C20orf203: variants seen among roughly 807,000 people sequenced by gnomAD.
C20orf203 encodes uncharacterized protein C20orf203.
A neutral mutation model predicts 15.9 loss-of-function variants in C20orf203; 16 were observed. That is an observed-to-expected ratio of 1.01 (90% CI 0.68 to 1.53). The LOEUF is 1.53. Among genes scored for constraint, C20orf203 ranks in the 40% most tolerant of loss-of-function variants. The pLI is 0.00. For missense variants in C20orf203, 263 were observed against 247.5 expected, an observed-to-expected ratio of 1.06 and a Z score of -0.42; for synonymous variants, 98 against 97.2, an observed-to-expected ratio of 1.01 and a Z score of -0.05.
chr20:32,648,741 T>C (rs1982515733), intron 4 of C20orf203, among the ~76,000 whole-genome samples: 1 of 152,058 alleles, frequency 6.6e-6, no homozygotes, highest in Admixed American at 6.6e-5. Context: ...TGTGAGCCAC[T>C]GCGCTGGGCC....
At chr20:32,666,797 T>TTTTATACATATATATATA (rs367964394) in intron 1 of C20orf203, among the ~76,000 whole-genome samples, 2 of 65,594 alleles carry the variant, frequency 3.0e-5, no homozygotes, top group African/African-American at 4.4e-5. Context: ...TAATTTTAAT[T>TTTTATACATATATATATA]TATATATATA....
intron 5 of C20orf203, 62 bp downstream of exon 5, chr20:32,640,504 C>G (rs1165864152): frequency 6.6e-6 from 1 of 151,896 alleles, no homozygotes; most frequent in East Asian, 1.9e-4. Context: ...ACCAGCCTGG[C>G]CAACACCGTG....
At chr20:32,641,770 G>A (rs571642774) in intron 4 of C20orf203, among the ~76,000 whole-genome samples, 1 of 152,262 alleles carries the variant, frequency 6.6e-6, no homozygotes, top group South Asian at 2.1e-4. Flanking sequence ...ATCTTTTTTG[G>A]AGAAATATAT....
intron 2 of C20orf203, 142 bp from the exon 3 acceptor site, chr20:32,651,308 C>T (rs1324903888): frequency 2.5e-6 from 1 of 397,164 alleles, no homozygotes; most frequent in Non-Finnish European, 4.4e-6. Flanking sequence ...ATGATCGCCC[C>T]ACTACACTCC....
chr20:32,652,232 C>G (rs1224152721), intron 1 of C20orf203, among the ~76,000 whole-genome samples: 1 of 140,114 alleles, frequency 7.1e-6, no homozygotes, highest in Non-Finnish European at 1.5e-5. Context: ...TCACTTGAAC[C>G]TGGTGGGGCA....
chr20:32,651,388 G>A (rs1000851781), intron 2 of C20orf203, among the ~76,000 whole-genome samples: 1 of 151,780 alleles, frequency 6.6e-6, no homozygotes, highest in African/African-American at 2.4e-5. Flanking sequence ...TGGAGCAAAT[G>A]ATCTCTGAGC....
chr20:32,667,938 G>A (rs1302638790), intron 1 of C20orf203, among the ~76,000 whole-genome samples: 1 of 152,144 alleles, frequency 6.6e-6, no homozygotes, highest in African/African-American at 2.4e-5. Flanking sequence ...AAAAGTGCTG[G>A]GATTATAGGC....
At chr20:32,672,261 C>T (rs1303625954) in intron 1 of C20orf203, among the ~76,000 whole-genome samples, 3 of 152,004 alleles carry the variant, frequency 2.0e-5, no homozygotes, top group Non-Finnish European at 4.4e-5. Flanking sequence ...ATCGCTTGAA[C>T]CCAGGAGATG....
intron 5 of C20orf203, among the ~76,000 whole-genome samples, chr20:32,639,041 G>T (rs896473474): frequency 2.6e-5 from 4 of 152,210 alleles, no homozygotes; most frequent in Admixed American, 1.3e-4. Flanking sequence ...CAGAGGGAGG[G>T]TACAAGCCCC....
chr20:32,661,079 C>A (rs1445924030), intron 1 of C20orf203, among the ~76,000 whole-genome samples: 1 of 151,972 alleles, frequency 6.6e-6, no homozygotes, highest in East Asian at 1.9e-4. Flanking sequence ...GAGGAAGGGA[C>A]AATCAAGGTG....
rs571146882 is a variant in C20orf203 at position 32,650,445 on chromosome 20, G to T, written c.572C>A (p.Ser191Ter). ...KQQFLSNSSR[S>*]LFN ...CCCTGGGCTCGGCTAATTAAACAGC[G>T]ACCGTGATGAATTGGAGAGAAACTG... The change falls in exon 4 of 6, where the codon TCG (serine) becomes TAG (stop). Residue 191 changes from serine to a stop codon, truncating the protein, a stop_gained. Transcript: ENST00000608990. LOFTEE classifies it high-confidence loss of function. The T allele has an allele frequency of 2.6e-6, 4 of 1,549,918 alleles. No homozygotes were observed. Among genetic ancestry groups the T allele is most frequent in the Non-Finnish European group, 3.5e-6 (4 of 1,146,524 alleles).
chr20:32,656,145 G>A (rs1982748591), intron 1 of C20orf203, among the ~76,000 whole-genome samples: 1 of 152,228 alleles, frequency 6.6e-6, no homozygotes, highest in African/African-American at 2.4e-5. Flanking sequence ...GTAGAACTGT[G>A]AGCCAAATAA....
intron 1 of C20orf203, among the ~76,000 whole-genome samples, chr20:32,652,826 C>G (rs1982668355): frequency 6.6e-6 from 1 of 152,118 alleles, no homozygotes; most frequent in Non-Finnish European, 1.5e-5. Flanking sequence ...CCTCTCAAGG[C>G]TGAGAGATGC....
intron 5 of C20orf203, among the ~76,000 whole-genome samples, chr20:32,639,795 A>G (rs1282074981): frequency 4.6e-5 from 7 of 151,976 alleles, no homozygotes; most frequent in Non-Finnish European, 1.0e-4. Context: ...CTTTGAAACT[A>G]TGGCTATGTA....
intron 1 of C20orf203, among the ~76,000 whole-genome samples, chr20:32,671,755 C>T (rs561404169): frequency 4.1e-5 from 6 of 145,794 alleles, no homozygotes; most frequent in Non-Finnish European, 7.4e-5. Flanking sequence ...AGGAGAATTG[C>T]TTGAACCCAG....
chr20:32,644,186 G>A lies in C20orf203; in HGVS notation c.*1178-3499C>T, dbSNP rs144486386. Among the ~76,000 whole-genome samples the A allele has an allele frequency of 1.1e-3, 164 of 152,340 alleles. 1 individual carries two copies. The highest frequency in any genetic ancestry group is 3.7e-3 in the African/African-American group (155 of 41,582). On this transcript the variant is annotated intron_variant, in intron 4 of 5. Transcript: ENST00000608990. The stretch of plus-strand genomic sequence containing the variant: ...GTTGTAGCCAGGCACCGTGGCTTAC[G>A]CCTGTAATCCTAGCACTTTGGGAGG...
At chr20:32,668,214 T>C (rs562151333) in intron 1 of C20orf203, among the ~76,000 whole-genome samples, 10 of 152,312 alleles carry the variant, frequency 6.6e-5, no homozygotes, top group African/African-American at 2.4e-4. Flanking sequence ...TGTTATCTAT[T>C]ATTGTTGATG....
chr20:32,651,977 C>T lies in C20orf203; in HGVS notation c.-259G>A, dbSNP rs1337200547. On this transcript the variant is annotated 5_prime_UTR_variant, in exon 2 of 6. It introduces an in-frame stop codon into an upstream open reading frame of the 5' UTR. Coordinates refer to ENST00000608990, the MANE Select transcript of C20orf203 (RefSeq NM_182584.4). Reference sequence around the variant, plus strand: ...GATTCACTCTGCCTTTAAGGGGACCCCAGTCTGGAAGGAGAGAGAAAACAC... The same window carrying T: ...GATTCACTCTGCCTTTAAGGGGACCTCAGTCTGGAAGGAGAGAGAAAACAC... 2.0e-5 allele frequency: 3 copies of T among 152,072 alleles called. No individual in the cohort carries two copies. The highest frequency in any genetic ancestry group is 2.0e-4 in the Admixed American group (3 of 15,244). The allele number at this position is 152,072 out of a possible 1,614,324, so 9.4% of individuals were successfully genotyped here. A position where few individuals can be genotyped will look rare whatever the true frequency, so the allele number is the denominator to read the frequency against.
At chr20:32,666,176 A>G (rs1487042059) in intron 1 of C20orf203, among the ~76,000 whole-genome samples, 5 of 147,370 alleles carry the variant, frequency 3.4e-5, no homozygotes, top group Admixed American at 1.3e-4. Flanking sequence ...AAAAAAAAAA[A>G]AGATAAAGTT....
Sources: gnomAD v4.1 joint callset for allele counts (sites outside exome capture counted in the v4.1 genomes callset) on GRCh38, gnomAD v4.1.1 for gene constraint, MANE v1.5 for transcripts, NCBI Gene and HGNC (gene_info 2026-07-23, HGNC 2026-07-21) for gene names.